Variants in FHIT observed in about 807,000 individuals in gnomAD.
FHIT encodes the protein fragile histidine triad diadenosine triphosphatase, also known as bis(5'-adenosyl)-triphosphatase.
FHIT carries 19 observed loss-of-function variants against 17.9 expected under a neutral mutation model. The ratio of observed to expected loss-of-function variants is 1.06; its 90% CI spans 0.74 to 1.56. The LOEUF (loss-of-function observed/expected upper bound fraction) is 1.56, where lower values mean the gene tolerates loss of function less well. Among genes scored for constraint, FHIT ranks in the 40% most tolerant of loss-of-function variants. The pLI is 0.00. For missense variants in FHIT, 248 were observed against 189.2 expected, an observed-to-expected ratio of 1.31 and a Z score of -1.82; for synonymous variants, 81 against 69.7, an observed-to-expected ratio of 1.16 and a Z score of -0.81.
chr3:60,771,597 A>G (rs1043856922), intron 4 of FHIT, among the ~76,000 whole-genome samples: 1 of 152,226 alleles, frequency 6.6e-6, no homozygotes, highest in African/African-American at 2.4e-5. Flanking sequence ...AAGTGAGACC[A>G]CTGAATACAG....
In FHIT at chr3:61,083,955, G is replaced by A. The variant is rs1454725578; in HGVS notation, c.-163-41856C>T. Among the ~76,000 whole-genome samples, 7 of 152,038 alleles carry A rather than the reference G, an allele frequency of 4.6e-5. No homozygotes were observed. In the East Asian group the frequency reaches 1.4e-3, roughly 29 times the overall value. ...CTTTGGGGCTATTAGATGAAATGAT[G>A]CTTGGATAGTGTTTTTTCATGTCCT... On this transcript the variant is annotated intron_variant, in intron 2 of 9. Coordinates refer to ENST00000492590, the MANE Select transcript of FHIT (RefSeq NM_002012.4).
chr3:61,211,264 G>C (rs979311769), intron 1 of FHIT, among the ~76,000 whole-genome samples: 1 of 151,890 alleles, frequency 6.6e-6, no homozygotes, highest in African/African-American at 2.4e-5. Flanking sequence ...AGAAAGGGGT[G>C]ACAGACGGCA....
chr3:60,560,800 GAGAC>G (rs1160598660), intron 4 of FHIT, among the ~76,000 whole-genome samples: 21 of 103,202 alleles, frequency 2.0e-4, no homozygotes, highest in African/African-American at 8.5e-4. Context: ...CTGATGTAAG[GAGAC>G]ACACACACAC....
intron 5 of FHIT, among the ~76,000 whole-genome samples, chr3:60,076,683 G>C (rs1183962695): frequency 6.6e-6 from 1 of 151,984 alleles, no homozygotes; most frequent in African/African-American, 2.4e-5. Flanking sequence ...GGTACTCTGA[G>C]ATGGTACAGC....
At chr3:60,126,818 T>C (rs1238597730) in intron 5 of FHIT, among the ~76,000 whole-genome samples, 1 of 152,150 alleles carries the variant, frequency 6.6e-6, no homozygotes, top group Non-Finnish European at 1.5e-5. Context: ...TCAGAAAGCC[T>C]AGTGTGAAAA....
intron 5 of FHIT, among the ~76,000 whole-genome samples, chr3:60,463,930 A>G (rs1049037533): frequency 1.3e-5 from 2 of 152,222 alleles, no homozygotes; most frequent in African/African-American, 4.8e-5. Flanking sequence ...CTTTAAGAAA[A>G]TAACAACTAC....
chr3:60,740,224 G>A (rs1292328769), intron 4 of FHIT, among the ~76,000 whole-genome samples: 1 of 152,166 alleles, frequency 6.6e-6, no homozygotes, highest in African/African-American at 2.4e-5. Flanking sequence ...ATCTTATGAG[G>A]TGGTTTAGCC....
chr3:60,068,631 C>G (rs1702624921), intron 5 of FHIT, among the ~76,000 whole-genome samples: 1 of 152,174 alleles, frequency 6.6e-6, no homozygotes. Context: ...TGTCCAAAAT[C>G]ACAAGTAAAA....
At chr3:60,660,257 G>A (rs1163491676) in intron 4 of FHIT, among the ~76,000 whole-genome samples, 1 of 152,148 alleles carries the variant, frequency 6.6e-6, no homozygotes, top group African/African-American at 2.4e-5. Flanking sequence ...CCCTGGCTCT[G>A]TCTGCACCTT....
In FHIT at chr3:60,206,132, CAA is replaced by C. The variant is rs367903030; in HGVS notation, c.104-191982_104-191981del. Among the ~76,000 whole-genome samples, 86 of 75,554 alleles carry C rather than the reference CAA, an allele frequency of 1.1e-3. 3 individuals are homozygous for C. Among genetic ancestry groups the C allele is most frequent in the Admixed American group, 2.5e-3 (18 of 7,138 alleles). The allele number at this position is 75,554 out of a possible 152,430, so 49.6% of individuals were successfully genotyped here. Reference sequence around the variant, plus strand: ...TGGGCGACACAGCGAGACTCCGTCTCAAAAAAAAAAAAAAATAAATAATAATA... The same window carrying C: ...TGGGCGACACAGCGAGACTCCGTCTCAAAAAAAAAAAAATAAATAATAATA... On this transcript the variant is annotated intron_variant, in intron 5 of 9. Transcript: ENST00000492590.
chr3:60,107,161 T>C (rs1015323023), intron 5 of FHIT, among the ~76,000 whole-genome samples: 2 of 119,790 alleles, frequency 1.7e-5, no homozygotes, highest in African/African-American at 5.9e-5. Context: ...TTTTTTTTTT[T>C]TTTTTTTTTT....
intron 5 of FHIT, among the ~76,000 whole-genome samples, chr3:60,151,923 C>T (rs1358799346): frequency 6.6e-6 from 1 of 152,136 alleles, no homozygotes; most frequent in Non-Finnish European, 1.5e-5. Flanking sequence ...GCTGATTATC[C>T]ATCTTATCCA....
chr3:59,790,858 T>C (rs561947378), intron 8 of FHIT, among the ~76,000 whole-genome samples: 2 of 151,998 alleles, frequency 1.3e-5, no homozygotes, highest in Non-Finnish European at 2.9e-5. Flanking sequence ...CTAAGTAAAC[T>C]TTTTTTTAAT....
chr3:61,208,273 G>T (rs2039322317), intron 1 of FHIT, among the ~76,000 whole-genome samples: 1 of 151,962 alleles, frequency 6.6e-6, no homozygotes, highest in African/African-American at 2.4e-5. Flanking sequence ...GTGTGGTGCT[G>T]AAAAAAATGT....
intron 1 of FHIT, among the ~76,000 whole-genome samples, chr3:61,216,284 A>G (rs913087480): frequency 1.3e-5 from 2 of 152,238 alleles, no homozygotes; most frequent in Admixed American, 1.3e-4. Flanking sequence ...AATGAACTCA[A>G]ATAAATTTAC....
At chr3:59,773,046 C>T (rs548240330) in intron 8 of FHIT, among the ~76,000 whole-genome samples, 2 of 152,346 alleles carry the variant, frequency 1.3e-5, no homozygotes, top group South Asian at 2.1e-4. Flanking sequence ...AAACAATGCT[C>T]ATCTCCCTCC....
At chr3:59,771,966 T>A (rs1417908103) in intron 8 of FHIT, among the ~76,000 whole-genome samples, 1 of 152,142 alleles carries the variant, frequency 6.6e-6, no homozygotes, top group Non-Finnish European at 1.5e-5. Context: ...AGTCACAGCT[T>A]TAAAGCCCAC....
At chr3:61,204,732 A>G (rs1409895493) in intron 1 of FHIT, among the ~76,000 whole-genome samples, 5 of 152,222 alleles carry the variant, frequency 3.3e-5, no homozygotes, top group Non-Finnish European at 7.3e-5. Context: ...CCACGGAAAT[A>G]GGAACCAAAA....
At chr3:60,707,020 C>T (rs536031574) in intron 4 of FHIT, among the ~76,000 whole-genome samples, 1 of 152,328 alleles carries the variant, frequency 6.6e-6, no homozygotes, top group South Asian at 2.1e-4. Context: ...ACAACACTGC[C>T]TTCTGATTCT....
Sources: gnomAD v4.1 joint callset for allele counts (sites outside exome capture counted in the v4.1 genomes callset) on GRCh38, gnomAD v4.1.1 for gene constraint, MANE v1.5 for transcripts, NCBI Gene and HGNC (gene_info 2026-07-23, HGNC 2026-07-21) for gene names.